LRRC37A2: variants seen among roughly 807,000 people sequenced by gnomAD.
The protein encoded by LRRC37A2 is leucine rich repeat containing 37 member A2, also known as leucine-rich repeat-containing protein 37A2.
A neutral mutation model predicts 68.8 loss-of-function variants in LRRC37A2; 9 were observed. The observed-to-expected ratio is 0.13, with a 90% confidence interval of 0.08 to 0.23. The LOEUF is 0.23. Ranked by LOEUF, LRRC37A2 falls within the 10% of genes least tolerant of loss-of-function variation. The probability of loss-of-function intolerance (pLI) is 1.00; values close to 1 mark genes in which losing one functional copy is unlikely to be tolerated. For synonymous variants in LRRC37A2, 63 were observed against 367.6 expected (o/e 0.17, Z 9.48); for missense variants, 168 against 950.4 (o/e 0.18, Z 10.82).
At chr17:46,940,294 A>G in the LRRC37A2 span, 1 of 1,438,042 alleles carries the variant, frequency 7.0e-7, no homozygotes, top group Non-Finnish European at 9.1e-7. Context: ...CTCCGGGCCA[A>G]ATGGGCCCCA....
intron 11 of LRRC37A2, 196 bp from the exon 11 acceptor site, chr17:46,553,204 C>T: frequency 1.2e-6 from 1 of 848,068 alleles, no homozygotes; most frequent in Non-Finnish European, 1.4e-6. Context: ...ATCCTAGAAC[C>T]AATCCCCCGC....
At chr17:46,893,468 T>A in the LRRC37A2 span, among the ~76,000 whole-genome samples, 2 of 152,162 alleles carry the variant, frequency 1.3e-5, no homozygotes, top group Admixed American at 1.3e-4. Flanking sequence ...AGACCCTTTT[T>A]ATCTGTCTTT....
chr17:46,421,159 G>T, the LRRC37A2 span, among the ~76,000 whole-genome samples: 1 of 67,888 alleles, frequency 1.5e-5, no homozygotes. Flanking sequence ...GGCTGGTCCT[G>T]ACCTCAAGTG....
chr17:46,710,906 T>A, the LRRC37A2 span: 2 of 1,467,498 alleles, frequency 1.4e-6, no homozygotes, highest in Admixed American at 2.5e-5. Context: ...TCGTCTTTTA[T>A]ACTGTTAGTT....
At chr17:46,749,702 G>C in the LRRC37A2 span, 1 of 1,398,332 alleles carries the variant, frequency 7.2e-7, no homozygotes, top group Non-Finnish European at 9.6e-7. Flanking sequence ...TGCAAATTGT[G>C]TTCAAGCTTA....
the LRRC37A2 span, among the ~76,000 whole-genome samples, chr17:46,770,762 C>G: frequency 2.1e-4 from 32 of 152,186 alleles, no homozygotes; most frequent in African/African-American, 7.2e-4. Flanking sequence ...CAGGGTCCAG[C>G]GCAGGGAAAG....
the LRRC37A2 span, among the ~76,000 whole-genome samples, chr17:46,817,318 C>T: frequency 1.0e-2 from 1,523 of 152,312 alleles, 26 homozygotes; most frequent in African/African-American, 0.035. Flanking sequence ...ACTTTCACCC[C>T]GGGGGCCACA....
chr17:46,493,136 T>C, the LRRC37A2 span, among the ~76,000 whole-genome samples: 3 of 134,682 alleles, frequency 2.2e-5, no homozygotes. Flanking sequence ...TGTATATCAT[T>C]GTTTATGGAA....
the LRRC37A2 span, among the ~76,000 whole-genome samples, chr17:46,725,878 T>A: frequency 6.6e-6 from 1 of 152,176 alleles, no homozygotes; most frequent in African/African-American, 2.4e-5. Flanking sequence ...AGGCCTTGAG[T>A]ACTTCTATTC....
the LRRC37A2 span, among the ~76,000 whole-genome samples, chr17:46,383,809 CTT>C: frequency 5.5e-5 from 1 of 18,258 alleles, no homozygotes. Context: ...TATAATTACC[CTT>C]TTTTTTTTTT....
At chr17:46,716,796 G>A in the LRRC37A2 span, among the ~76,000 whole-genome samples, 1 of 152,108 alleles carries the variant, frequency 6.6e-6, no homozygotes, top group East Asian at 1.9e-4. Context: ...AGACACATGT[G>A]TACACATGAA....
the LRRC37A2 span, chr17:46,938,929 G>A: frequency 2.0e-6 from 3 of 1,507,660 alleles, no homozygotes; most frequent in African/African-American, 4.1e-5. Flanking sequence ...TGTTTTCTGT[G>A]ACATCTTGGA....
At chr17:46,716,224 A>G in the LRRC37A2 span, among the ~76,000 whole-genome samples, 71 of 151,078 alleles carry the variant, frequency 4.7e-4, no homozygotes, top group African/African-American at 1.7e-3. Context: ...CTTTAGTATA[A>G]GTTCTAGTCT....
At chr17:46,809,515 C>T in the LRRC37A2 span, among the ~76,000 whole-genome samples, 9 of 152,186 alleles carry the variant, frequency 5.9e-5, no homozygotes, top group Admixed American at 1.3e-4. Flanking sequence ...TTTTTCCAGC[C>T]GAGCTGGAGG....
At chr17:46,428,901 G>GGGCGAC in the LRRC37A2 span, among the ~76,000 whole-genome samples, 1 of 51,042 alleles carries the variant, frequency 2.0e-5, no homozygotes, top group Non-Finnish European at 3.3e-5. Flanking sequence ...ACTCCAGCCT[G>GGGCGAC]GGCGACAGAG....
At chr17:47,017,454 G>A in the LRRC37A2 span, 4 of 1,466,020 alleles carry the variant, frequency 2.7e-6, no homozygotes, top group Non-Finnish European at 3.8e-6. Context: ...TGATCACCTG[G>A]GGCCCTCTGC....
chr17:46,533,473 T>C (rs1326595243), intron 6 of LRRC37A2, among the ~76,000 whole-genome samples: 1 of 144,640 alleles, frequency 6.9e-6, no homozygotes, highest in Non-Finnish European at 1.5e-5. Flanking sequence ...TTTATAATTA[T>C]TGCATTATGT....
At chr17:47,036,014 C>CT in the LRRC37A2 span, among the ~76,000 whole-genome samples, 1 of 152,168 alleles carries the variant, frequency 6.6e-6, no homozygotes, top group Non-Finnish European at 1.5e-5. Flanking sequence ...ATTGATTTGT[C>CT]TTTTTATTGA....
At chr17:46,876,154 C>T in the LRRC37A2 span, 1 of 1,244,316 alleles carries the variant, frequency 8.0e-7, no homozygotes, top group Non-Finnish European at 1.1e-6. Context: ...CATTCTCCTG[C>T]CTCTGCCCTG....
Sources: allele counts gnomAD v4.1 joint callset (sites outside exome capture counted in the v4.1 genomes callset), GRCh38; gene constraint gnomAD v4.1.1; transcripts MANE v1.5; gene names NCBI Gene and HGNC (gene_info 2026-07-23, HGNC 2026-07-21).